The following ECT2L variants were observed in gnomAD, a reference collection of about 807,000 sequenced individuals.
The protein encoded by ECT2L is epithelial cell transforming 2 like.
A neutral mutation model predicts 122.8 loss-of-function variants in ECT2L; 126 were observed. The observed-to-expected ratio is 1.03, with a 90% CI of 0.89 to 1.19. The LOEUF (loss-of-function observed/expected upper bound fraction) is 1.19, where lower values mean the gene tolerates loss of function less well. Among genes scored for constraint, ECT2L ranks in the 50% most tolerant of loss-of-function variants. The probability of loss-of-function intolerance (pLI) is 0.00; values close to 1 mark genes in which losing one functional copy is unlikely to be tolerated. For synonymous variants in ECT2L, 385 were observed against 381.8 expected (o/e 1.01, Z -0.10); for missense variants, 1,012 against 1,064.1 (o/e 0.95, Z 0.68).
intron 21 of ECT2L, 105 bp downstream of exon 21, chr6:138,901,225 G>C (rs1401260425): frequency 3.3e-6 from 4 of 1,204,178 alleles, no homozygotes; most frequent in Non-Finnish European, 3.4e-6. Context: ...TAATTTACCA[G>C]GTTGCAAACA....
At chr6:138,901,222 C>T (rs1779386456) in intron 21 of ECT2L, 102 bp downstream of exon 21, 4 of 1,239,852 alleles carry the variant, frequency 3.2e-6, no homozygotes, top group African/African-American at 3.0e-5. Flanking sequence ...TTATAATTTA[C>T]CAGGTTGCAA....
intron 9 of ECT2L, among the ~76,000 whole-genome samples, chr6:138,850,518 G>A (rs911248743): frequency 2.6e-5 from 2 of 77,608 alleles, no homozygotes; most frequent in African/African-American, 6.6e-5. Flanking sequence ...TTAAGGGCAT[G>A]TATGTATATA....
At chr6:138,893,083 T>A (rs1364347963) in intron 20 of ECT2L, among the ~76,000 whole-genome samples, 3 of 148,638 alleles carry the variant, frequency 2.0e-5, no homozygotes, top group Non-Finnish European at 4.4e-5. Context: ...AGTTAAGATG[T>A]CAGAGGAGAA....
intron 1 of ECT2L, among the ~76,000 whole-genome samples, chr6:138,797,329 T>C (rs1750518241): frequency 6.6e-6 from 1 of 152,204 alleles, no homozygotes; most frequent in Non-Finnish European, 1.5e-5. Flanking sequence ...TGGAGGCATA[T>C]TTAAGGAAGT....
intron 12 of ECT2L, 104 bp from the exon 13 acceptor site, chr6:138,867,999 C>CAAAAAAAAAAA (rs754296302): frequency 1.4e-4 from 46 of 335,994 alleles, no homozygotes; most frequent in African/African-American, 2.4e-4. Context: ...GATTCTGTCT[C>CAAAAAAAAAAA]AAAAAAAAAA....
intron 11 of ECT2L, among the ~76,000 whole-genome samples, chr6:138,864,372 T>C (rs1336723683): frequency 1.3e-5 from 2 of 152,168 alleles, no homozygotes; most frequent in Admixed American, 6.5e-5. Flanking sequence ...TCAGTAACAG[T>C]AGAGGAAACA....
At position 138,902,586 on chromosome 6, in the gene ECT2L, T is replaced by A. The variant is rs1451096412; in HGVS notation, c.2674T>A (p.Ser892Thr). ...EIEDDKFLWL[S>T]VLRNAIKSSM... ...AGAGGATGATAAGTTCCTATGGCTG[T>A]CAGTACTTCGAAATGCAATCAAAAG... Residue 892 changes from serine to threonine, a missense_variant, in exon 22 of 22, where the codon TCA becomes ACA. Coordinates refer to ENST00000541398, the MANE Select transcript of ECT2L (RefSeq NM_001077706.3). The A allele has an allele frequency of 2.5e-6, 4 of 1,613,842 alleles. No individual in the cohort carries two copies. The highest frequency in any genetic ancestry group is 2.5e-6 in the Non-Finnish European group (3 of 1,179,936).
chr6:138,837,686 C>A (rs1776889048), intron 4 of ECT2L, among the ~76,000 whole-genome samples: 2 of 150,602 alleles, frequency 1.3e-5, no homozygotes, highest in Non-Finnish European at 3.0e-5. Flanking sequence ...AAAACGTCCA[C>A]ACACAAGAAA....
At position 138,868,224 on chromosome 6, in the gene ECT2L, GAAAGT is replaced by G; in HGVS notation, c.1578+22_1578+26del. ...AAGATTCTGTAAGTGTTTCTTTGAA[GAAAGT>G]AAACTATGAAAACCAACATTTAAAT... is the stretch of plus-strand genomic sequence containing the variant. On this transcript the variant is annotated intron_variant, in intron 13 of 21. Transcript: ENST00000541398. The G allele has an allele frequency of 6.3e-7, 1 of 1,593,442 alleles. No homozygotes were observed. Among genetic ancestry groups the G allele is most frequent in the Non-Finnish European group, 8.6e-7 (1 of 1,167,664 alleles).
At chr6:138,886,433 G>C (rs1007235909) in intron 18 of ECT2L, among the ~76,000 whole-genome samples, 1 of 151,954 alleles carries the variant, frequency 6.6e-6, no homozygotes, top group African/African-American at 2.4e-5. Context: ...TTTGAGACAG[G>C]GTCTGGCTCT....
chr6:138,846,372 C>T (rs1777219811), intron 7 of ECT2L, among the ~76,000 whole-genome samples, 167 bp from the exon 8 acceptor site: 1 of 152,158 alleles, frequency 6.6e-6, no homozygotes, highest in Non-Finnish European at 1.5e-5. Flanking sequence ...TCACTACACC[C>T]AGGAGCTCCA....
At chr6:138,884,974 A>AT (rs1246570575) in intron 16 of ECT2L, among the ~76,000 whole-genome samples, 1 of 149,910 alleles carries the variant, frequency 6.7e-6, no homozygotes, top group African/African-American at 2.4e-5. Flanking sequence ...GTCTATACTG[A>AT]TTAAGTTCAA....
chr6:138,847,536 A>T (rs1379555753), intron 8 of ECT2L, among the ~76,000 whole-genome samples: 3 of 140,904 alleles, frequency 2.1e-5, no homozygotes, highest in African/African-American at 8.1e-5. Flanking sequence ...ATGCCCGGCT[A>T]ATTTTTTTTT....
At chr6:138,800,705 ATTTG>A (rs747015991) in intron 1 of ECT2L, among the ~76,000 whole-genome samples, 8 of 152,182 alleles carry the variant, frequency 5.3e-5, no homozygotes, top group Admixed American at 1.3e-4. Flanking sequence ...TAGTGAAGGA[ATTTG>A]TTTTTTTCTT....
chr6:138,851,482 CTTTTTTTT>C (rs56921189), intron 9 of ECT2L, among the ~76,000 whole-genome samples: 1 of 109,636 alleles, frequency 9.1e-6, no homozygotes, highest in Non-Finnish European at 1.8e-5. Flanking sequence ...TGTGCCTAGC[CTTTTTTTT>C]TTTTTTTTTT....
At chr6:138,877,598 T>C (rs1223626513) in intron 14 of ECT2L, among the ~76,000 whole-genome samples, 4 of 152,224 alleles carry the variant, frequency 2.6e-5, no homozygotes, top group African/African-American at 9.6e-5. Flanking sequence ...TTTTACCTTA[T>C]TAGATATGTC....
In ECT2L at chr6:138,879,790, C is replaced by T. The variant is rs149746315; in HGVS notation, c.1666-1167C>T. Among the ~76,000 whole-genome samples, 1,495 of 151,844 alleles carry T rather than the reference C, an allele frequency of 9.8e-3. 28 individuals are homozygous for T. Among genetic ancestry groups the T allele is most frequent in the African/African-American group, 0.034 (1,414 of 41,440 alleles). ...CAACATGGTGAAACCCCGTCTCTAC[C>T]AAAAACACAAAAATTAGCTGGGCAT... On this transcript the variant is annotated intron_variant, in intron 14 of 21. Transcript: ENST00000541398.
intron 4 of ECT2L, among the ~76,000 whole-genome samples, chr6:138,816,726 C>A (rs141879813): frequency 6.6e-6 from 1 of 152,188 alleles, no homozygotes; most frequent in African/African-American, 2.4e-5. Context: ...ATCTCATGAT[C>A]TGCCTGCCTC....
At chr6:138,809,890 C>T (rs1775834330) in intron 1 of ECT2L, among the ~76,000 whole-genome samples, 1 of 152,084 alleles carries the variant, frequency 6.6e-6, no homozygotes, top group Non-Finnish European at 1.5e-5. Flanking sequence ...GCAACACATT[C>T]TATATTATGT....
Sources: allele counts gnomAD v4.1 joint callset (sites outside exome capture counted in the v4.1 genomes callset), GRCh38; gene constraint gnomAD v4.1.1; transcripts MANE v1.5; gene names NCBI Gene and HGNC (gene_info 2026-07-23, HGNC 2026-07-21).